Variants in SYT11 observed in about 807,000 individuals in gnomAD.
SYT11 encodes the protein synaptotagmin 11, also known as synaptotagmin-11.
Under a neutral mutation model 30.4 loss-of-function variants are expected in SYT11, and 12 were observed. The ratio of observed to expected loss-of-function variants is 0.39; its 90% confidence interval spans 0.25 to 0.64. SYT11 has a LOEUF of 0.64. Ranked by LOEUF, SYT11 falls within the 30% of genes least tolerant of loss-of-function variation. SYT11 has a pLI of 0.45. For missense variants in SYT11, 412 were observed against 552.0 expected, an observed-to-expected ratio of 0.75 and a Z score of 2.54; for synonymous variants, 204 against 216.0, an observed-to-expected ratio of 0.94 and a Z score of 0.49.
intron 2 of SYT11, among the ~76,000 whole-genome samples, chr1:155,874,102 A>T (rs1303102325): frequency 1.3e-5 from 2 of 151,996 alleles, no homozygotes; most frequent in Non-Finnish European, 2.9e-5. Context: ...GGAGATCAAG[A>T]CCAGCCTGGC....
In SYT11 at chr1:155,868,833, G is replaced by A. The variant is rs772577182; in HGVS notation, c.861+42G>A. ...TGTTGGGGAGCAATGGTAGGTTGGG[G>A]GAGAAAATATCTCAGGGGATAAATG... is the stretch of plus-strand genomic sequence containing the variant. On this transcript the variant is annotated intron_variant, in intron 2 of 3. Transcript: ENST00000368324. The surrounding 1 kb of genome is among the most constrained non-coding windows in gnomAD (Gnocchi z 4.7). 2 of 1,562,470 alleles carry A rather than the reference G, an allele frequency of 1.3e-6. No homozygotes were observed. Among genetic ancestry groups the A allele is most frequent in the Admixed American group, 1.8e-5 (1 of 56,760 alleles).
At chr1:155,878,318 T>C (rs1296360661) in intron 2 of SYT11, among the ~76,000 whole-genome samples, 1 of 152,150 alleles carries the variant, frequency 6.6e-6, no homozygotes, top group Non-Finnish European at 1.5e-5. Context: ...TGCTCTTTGG[T>C]AGTGTCCCAA....
chr1:155,873,450 C>T (rs1201947006), intron 2 of SYT11, among the ~76,000 whole-genome samples: 1 of 152,108 alleles, frequency 6.6e-6, no homozygotes, highest in Non-Finnish European at 1.5e-5. Flanking sequence ...TGAAACGTTG[C>T]TTTTCCCCCA....
intron 2 of SYT11, among the ~76,000 whole-genome samples, chr1:155,871,806 G>T (rs182147799): frequency 1.2e-4 from 18 of 152,202 alleles, no homozygotes; most frequent in African/African-American, 4.1e-4. Context: ...ACCAGTGCCC[G>T]TAGGCAGGAC....
At chr1:155,867,519 G>A (rs982354949) in intron 1 of SYT11, among the ~76,000 whole-genome samples, 3 of 152,120 alleles carry the variant, frequency 2.0e-5, no homozygotes, top group African/African-American at 4.8e-5. Context: ...GCCTGACAGC[G>A]AGTCAGTCAG....
Position 155,860,464 on chromosome 1 carries a change from G to A in SYT11, c.34+669G>A, listed in dbSNP as rs1270986517. ...AAATGGCGCTTGGCGCTGCTGGGCT[G>A]GGGGATGACGTGATGTCTATTTCTG... On this transcript the variant is annotated intron_variant, in intron 1 of 3. Transcript: ENST00000368324. The surrounding 1 kb of genome is among the most constrained non-coding windows in gnomAD (Gnocchi z 4.1). 6.6e-6 allele frequency among the ~76,000 whole-genome samples: 1 copy of A among 152,204 alleles called. No individual in the cohort carries two copies. The highest frequency in any genetic ancestry group is 2.4e-5 in the African/African-American group (1 of 41,452).
rs781099867 is a variant in SYT11 at position 155,868,032 on chromosome 1, C to A, written c.102C>A (p.Val34=). 1.1e-5 allele frequency: 18 copies of A among 1,613,832 alleles called. No homozygotes were observed. Among genetic ancestry groups the A allele is most frequent in the Non-Finnish European group, 1.3e-5 (15 of 1,179,914 alleles). The change falls in exon 2 of 4, where the codon GTC becomes GTA. Residue 34 remains valine, a synonymous_variant. Coordinates refer to ENST00000368324, the MANE Select transcript of SYT11 (RefSeq NM_152280.5). This position sits in a 1 kb window ranked among gnomAD's most constrained non-coding sequence, Gnocchi z 4.7. ...TGGTGGTGTGTGTCTCGGTGACCGT[C>A]TTTGTCTGGTCATGCTGCCACCAGC... is the stretch of plus-strand genomic sequence containing the variant. ...SVLVVCVSVT[V]FVWSCCHQQA... is the part of the protein sequence containing the mutation.
At position 155,859,659 on chromosome 1, in the gene SYT11, C is replaced by A; in HGVS notation, c.-103C>A. ...GCGTCCGCTGGATACCTTCCCCCTT[C>A]CCTGACCTAGAGCTCTACAGCTGCT... On this transcript the variant is annotated 5_prime_UTR_variant, in exon 1 of 4. Coordinates refer to ENST00000368324, the MANE Select transcript of SYT11 (RefSeq NM_152280.5). 8.7e-7 allele frequency: 1 copy of A among 1,150,002 alleles called. No homozygotes were observed. Among genetic ancestry groups the A allele is most frequent in the South Asian group, 1.2e-5 (1 of 81,024 alleles). The allele number at this position is 1,150,002 out of a possible 1,614,324, so 71.2% of individuals were successfully genotyped here.
intron 1 of SYT11, among the ~76,000 whole-genome samples, chr1:155,867,473 G>A (rs1672699580): frequency 6.6e-6 from 1 of 152,076 alleles, no homozygotes; most frequent in African/African-American, 2.4e-5. Flanking sequence ...ACCCTACCAA[G>A]ACCATCTAAA....
rs1270769078 is a variant in SYT11 at position 155,860,715 on chromosome 1, T to C, written c.34+920T>C. Among the ~76,000 whole-genome samples the C allele has an allele frequency of 6.6e-6, 1 of 152,158 alleles. No individual in the cohort carries two copies. The highest frequency in any genetic ancestry group is 1.9e-4 in the East Asian group (1 of 5,196). On this transcript the variant is annotated intron_variant, in intron 1 of 3. Coordinates refer to ENST00000368324, the MANE Select transcript of SYT11 (RefSeq NM_152280.5). This position sits in a 1 kb window ranked among gnomAD's most constrained non-coding sequence, Gnocchi z 4.1. ...TGGTCCCCGACCCAGCCCTGTGGGC[T>C]CCAAGATTAGTTTTACACTCTCTGG...
intron 1 of SYT11, among the ~76,000 whole-genome samples, chr1:155,866,763 T>C (rs1672683481): frequency 6.6e-6 from 1 of 151,700 alleles, no homozygotes; most frequent in African/African-American, 2.4e-5. Context: ...CCTAAGAAGG[T>C]GACATTTGAG....
intron 2 of SYT11, among the ~76,000 whole-genome samples, chr1:155,870,486 G>T (rs1672764523): frequency 6.6e-6 from 1 of 152,224 alleles, no homozygotes; most frequent in Non-Finnish European, 1.5e-5. Context: ...GGGAGGAATT[G>T]GTGAAGGAGG....
At position 155,881,655 on chromosome 1, in the gene SYT11, A is replaced by C; in HGVS notation, c.*147A>C. 1.5e-6 allele frequency: 1 copy of C among 670,808 alleles called. No individual in the cohort carries two copies. The highest frequency in any genetic ancestry group is 2.8e-5 in the East Asian group (1 of 36,164). 41.6% of individuals were successfully genotyped at this position (670,808 alleles called of 1,614,324 possible). A position where few individuals can be genotyped will look rare whatever the true frequency, so the allele number is the denominator to read the frequency against. On this transcript the variant is annotated 3_prime_UTR_variant, in exon 4 of 4. Coordinates refer to ENST00000368324, the MANE Select transcript of SYT11 (RefSeq NM_152280.5). ...ACAAATTCCACAAAGAACACCCTAT[A>C]TGACCACAGCTGCAGATCAGTTCTT...
Position 155,868,189 on chromosome 1 carries a change from A to G in SYT11, c.259A>G (p.Arg87Gly). ...GCGGAGAGACAAAGATGGTCCTGGG[A>G]GGGAAGGTGGACGTAGGAACCTGTT... is the stretch of plus-strand genomic sequence containing the variant. ...KVRRDKDGPG[R>G]EGGRRNLLVD... The change falls in exon 2 of 4, where the codon AGG becomes GGG. Residue 87 changes from arginine (R) to glycine (G), a missense_variant. Coordinates refer to ENST00000368324, the MANE Select transcript of SYT11 (RefSeq NM_152280.5). The surrounding 1 kb of genome is among the most constrained non-coding windows in gnomAD (Gnocchi z 4.7). 1 of 1,614,164 alleles carries G rather than the reference A, an allele frequency of 6.2e-7. No individual in the cohort carries two copies. The highest frequency in any genetic ancestry group is 1.1e-5 in the South Asian group (1 of 91,078).
In SYT11 at chr1:155,881,921, G is replaced by A. The variant is rs184551202; in HGVS notation, c.*413G>A. The A allele has an allele frequency of 7.5e-4, 115 of 152,936 alleles. No individual in the cohort carries two copies. The highest frequency in any genetic ancestry group is 6.8e-3 in the Middle Eastern group (2 of 294). The allele number at this position is 152,936 out of a possible 1,614,324, so 9.5% of individuals were successfully genotyped here. On this transcript the variant is annotated 3_prime_UTR_variant, in exon 4 of 4. Coordinates refer to ENST00000368324, the MANE Select transcript of SYT11 (RefSeq NM_152280.5). The stretch of plus-strand genomic sequence containing the variant: ...TTTTTTGTATTTTCAGTAGAGATGG[G>A]TTTCACCATGTTGGCCAGGCTGGTC...
At position 155,868,924 on chromosome 1, in the gene SYT11, G is replaced by A. The variant is rs1672737085; in HGVS notation, c.861+133G>A. 4 of 872,080 alleles carry A rather than the reference G, an allele frequency of 4.6e-6. No homozygotes were observed. Among genetic ancestry groups the A allele is most frequent in the Admixed American group, 5.5e-5 (2 of 36,506 alleles). 54.0% of individuals were successfully genotyped at this position (872,080 alleles called of 1,614,324 possible). A position where few individuals can be genotyped will look rare whatever the true frequency, so the allele number is the denominator to read the frequency against. The stretch of plus-strand genomic sequence containing the variant: ...TAGAGAGGAAGCTCTTGGATGTCAA[G>A]GATAAGCAGTGGTCAGAGTAAGACA... On this transcript the variant is annotated intron_variant, in intron 2 of 3. Coordinates refer to ENST00000368324, the MANE Select transcript of SYT11 (RefSeq NM_152280.5). This position sits in a 1 kb window ranked among gnomAD's most constrained non-coding sequence, Gnocchi z 4.7.
chr1:155,876,439 G>A (rs1672862404), intron 2 of SYT11, among the ~76,000 whole-genome samples: 1 of 150,742 alleles, frequency 6.6e-6, no homozygotes, highest in African/African-American at 2.4e-5. Flanking sequence ...GTAGAGATGG[G>A]GTTTCACCGT....
At chr1:155,866,169 G>T (rs1236564527) in intron 1 of SYT11, among the ~76,000 whole-genome samples, 1 of 141,836 alleles carries the variant, frequency 7.1e-6, no homozygotes, top group East Asian at 2.1e-4. Flanking sequence ...CTGGAGTGCA[G>T]TGGCACGATC....
chr1:155,861,700 C>G (rs1476846860), intron 1 of SYT11, among the ~76,000 whole-genome samples: 1 of 152,178 alleles, frequency 6.6e-6, no homozygotes, highest in Non-Finnish European at 1.5e-5. Context: ...CCCACCACAA[C>G]CTCTGCCTCC....
Sources: allele counts gnomAD v4.1 joint callset (sites outside exome capture counted in the v4.1 genomes callset), GRCh38; gene constraint gnomAD v4.1.1; non-coding constraint Gnocchi (gnomAD v3.1); transcripts MANE v1.5; gene names NCBI Gene and HGNC (gene_info 2026-07-23, HGNC 2026-07-21).